PTGER3: variants seen among roughly 807,000 people sequenced by gnomAD.
PTGER3 encodes prostaglandin E receptor 3, also known as prostaglandin E2 receptor EP3 subtype.
In PTGER3, 22 loss-of-function variants were observed where a neutral mutation model predicts 34.7. The observed-to-expected ratio is 0.63, with a 90% confidence interval of 0.45 to 0.91. PTGER3 has a LOEUF of 0.91. Among genes scored for constraint, PTGER3 ranks in the 40% least tolerant of loss-of-function variants. The pLI is 0.00. For synonymous variants in PTGER3, 241 were observed against 230.1 expected, an observed-to-expected ratio of 1.05 and a Z score of -0.43; for missense variants, 468 against 519.4, an observed-to-expected ratio of 0.90 and a Z score of 0.96.
At chr1:70,901,086 A>C (rs1646828736) in intron 4 of PTGER3, among the ~76,000 whole-genome samples, 1 of 151,914 alleles carries the variant, frequency 6.6e-6, no homozygotes, top group Admixed American at 6.6e-5. Flanking sequence ...GGAAGAGAAA[A>C]CCCCTTAGTC....
downstream of PTGER3, among the ~76,000 whole-genome samples, chr1:70,969,155 C>T (rs189555142): frequency 2.6e-5 from 4 of 152,080 alleles, no homozygotes; most frequent in East Asian, 1.9e-4. Flanking sequence ...TGCAGTGACC[C>T]GAGATCGCAC....
In PTGER3 at chr1:71,039,664, A is replaced by G. The variant is rs12066021; in HGVS notation, c.897+7017T>C. Among the ~76,000 whole-genome samples the G allele has an allele frequency of 9.0e-3, 1,307 of 145,388 alleles. 83 individuals carry two copies. Among genetic ancestry groups the G allele is most frequent in the Admixed American group, 0.067 (973 of 14,506 alleles). On this transcript the variant is annotated intron_variant, in intron 1 of 3. Transcript: ENST00000306666. ...GACTCTGTCTCAAAAAAAAAAAAAA[A>G]AAAAAAGAAAAAAAGAAAGAAAAAT...
intron 4 of PTGER3, among the ~76,000 whole-genome samples, chr1:70,922,768 A>T (rs1160768026): frequency 6.6e-6 from 1 of 152,174 alleles, no homozygotes; most frequent in African/African-American, 2.4e-5. Flanking sequence ...GGGAATATGA[A>T]TTTTTCTGCC....
chr1:70,910,741 C>T (rs554600716), intron 4 of PTGER3, among the ~76,000 whole-genome samples: 2 of 152,242 alleles, frequency 1.3e-5, no homozygotes, highest in Admixed American at 6.5e-5. Context: ...ACAAATTAAG[C>T]GAGCATTGGT....
intron 1 of PTGER3, among the ~76,000 whole-genome samples, chr1:71,019,803 A>G (rs1294880210): frequency 6.6e-6 from 1 of 152,198 alleles, no homozygotes; most frequent in East Asian, 1.9e-4. Context: ...GGAAACCCAG[A>G]AAAATTAATT....
chr1:70,856,958 C>G (rs1478759702), intron 4 of PTGER3, among the ~76,000 whole-genome samples: 1 of 152,204 alleles, frequency 6.6e-6, no homozygotes, highest in Non-Finnish European at 1.5e-5. Flanking sequence ...CAATTTATGT[C>G]AAACATAGAA....
intron 2 of PTGER3, among the ~76,000 whole-genome samples, chr1:70,982,032 T>C (rs1654425411): frequency 6.6e-6 from 1 of 152,116 alleles, no homozygotes; most frequent in Non-Finnish European, 1.5e-5. Context: ...GGGACTATAC[T>C]GGACAGAGGT....
chr1:70,859,755 A>G (rs951809831), intron 4 of PTGER3, among the ~76,000 whole-genome samples: 2 of 152,216 alleles, frequency 1.3e-5, no homozygotes, highest in Non-Finnish European at 2.9e-5. Flanking sequence ...AAAAAGTACT[A>G]CTATTATTAT....
chr1:70,853,578 T>C (rs1343420343), intron 4 of PTGER3, among the ~76,000 whole-genome samples: 1 of 152,198 alleles, frequency 6.6e-6, no homozygotes, highest in African/African-American at 2.4e-5. Flanking sequence ...AGAAACATTA[T>C]GAGTGATAAT....
chr1:70,934,882 A>T (rs904488171), intron 4 of PTGER3, among the ~76,000 whole-genome samples: 1 of 152,208 alleles, frequency 6.6e-6, no homozygotes, highest in African/African-American at 2.4e-5. Flanking sequence ...ATTACAAGAC[A>T]TAATGTCAGC....
At chr1:71,028,681 C>T (rs951322185) in intron 1 of PTGER3, among the ~76,000 whole-genome samples, 1 of 152,086 alleles carries the variant, frequency 6.6e-6, no homozygotes, top group African/African-American at 2.4e-5. Flanking sequence ...AAACACCAGG[C>T]ATTAGAGCAA....
intron 2 of PTGER3, among the ~76,000 whole-genome samples, chr1:70,999,771 A>T (rs577361470): frequency 6.6e-6 from 1 of 152,230 alleles, no homozygotes; most frequent in Non-Finnish European, 1.5e-5. Context: ...AAAGAGATGT[A>T]TTCTTAGTAA....
intron 2 of PTGER3, among the ~76,000 whole-genome samples, chr1:70,962,966 G>C (rs1652091398): frequency 6.6e-6 from 1 of 152,304 alleles, no homozygotes; most frequent in Non-Finnish European, 1.5e-5. Flanking sequence ...AACCAAGTTA[G>C]TTACTGCCTA....
chr1:71,004,882 C>T (rs569739958), intron 2 of PTGER3, among the ~76,000 whole-genome samples: 1 of 152,294 alleles, frequency 6.6e-6, no homozygotes, highest in South Asian at 2.1e-4. Flanking sequence ...AACTGGCATT[C>T]TAGTACCTGC....
At chr1:70,918,009 T>C (rs1221871472) in intron 4 of PTGER3, among the ~76,000 whole-genome samples, 5 of 151,884 alleles carry the variant, frequency 3.3e-5, no homozygotes, top group Non-Finnish European at 4.4e-5. Flanking sequence ...GCTTCTCCCA[T>C]AGTAACTAAA....
chr1:71,039,810 G>A (rs1442705924), intron 1 of PTGER3, among the ~76,000 whole-genome samples: 1 of 151,952 alleles, frequency 6.6e-6, no homozygotes, highest in Non-Finnish European at 1.5e-5. Flanking sequence ...CCTTTCTCCA[G>A]TTTGCTAGGA....
At chr1:70,936,201 C>G (rs1314869257) in intron 4 of PTGER3, among the ~76,000 whole-genome samples, 1 of 152,018 alleles carries the variant, frequency 6.6e-6, no homozygotes. Context: ...GAGTGCAAAC[C>G]CTTGGGCTCT....
intron 2 of PTGER3, among the ~76,000 whole-genome samples, chr1:70,986,295 C>G (rs548937481): frequency 2.0e-5 from 3 of 152,160 alleles, no homozygotes; most frequent in Non-Finnish European, 1.5e-5. Context: ...TATTCCTTTA[C>G]TTTCTTAATA....
At chr1:70,864,219 T>C (rs1207850478) in intron 4 of PTGER3, among the ~76,000 whole-genome samples, 1 of 152,084 alleles carries the variant, frequency 6.6e-6, no homozygotes, top group African/African-American at 2.4e-5. Context: ...ATTTTTTATC[T>C]AAGAGAAATT....
Sources: allele counts gnomAD v4.1 joint callset (sites outside exome capture counted in the v4.1 genomes callset), GRCh38; gene constraint gnomAD v4.1.1; transcripts MANE v1.5; gene names NCBI Gene and HGNC (gene_info 2026-07-23, HGNC 2026-07-21).